FAM184B: variants seen among roughly 807,000 people sequenced by gnomAD.
FAM184B encodes family with sequence similarity 184 member B.
In FAM184B, 111 loss-of-function variants were observed where a neutral mutation model predicts 135.9. That is an observed-to-expected ratio of 0.82 (90% confidence interval 0.70 to 0.96). The LOEUF (loss-of-function observed/expected upper bound fraction) is 0.96, where lower values mean the gene tolerates loss of function less well. Among genes scored for constraint, FAM184B ranks in the 40% least tolerant of loss-of-function variants. The pLI is 0.00. For synonymous variants in FAM184B, 552 were observed against 524.8 expected (o/e 1.05, Z -0.71); for missense variants, 1,375 against 1,323.9 (o/e 1.04, Z -0.60).
intron 11 of FAM184B, among the ~76,000 whole-genome samples, chr4:17,649,208 C>T (rs1421890495): frequency 2.0e-5 from 3 of 152,140 alleles, no homozygotes; most frequent in Admixed American, 6.6e-5. Flanking sequence ...ATTATAAAAG[C>T]TTTCCTATAA....
chr4:17,723,671 AC>A (rs964698799), intron 1 of FAM184B, among the ~76,000 whole-genome samples: 3 of 152,182 alleles, frequency 2.0e-5, no homozygotes, highest in African/African-American at 7.2e-5. Context: ...AAAGGGACAT[AC>A]AATAGAGGAG....
intron 1 of FAM184B, among the ~76,000 whole-genome samples, chr4:17,748,593 T>C (rs1452363395): frequency 7.1e-6 from 1 of 140,698 alleles, no homozygotes; most frequent in Non-Finnish European, 1.5e-5. Flanking sequence ...CTCGGCCCAC[T>C]GTAGCCTTGA....
At chr4:17,668,116 G>T (rs974532380) in intron 7 of FAM184B, among the ~76,000 whole-genome samples, 2 of 152,206 alleles carry the variant, frequency 1.3e-5, no homozygotes, top group African/African-American at 2.4e-5. Flanking sequence ...AGCCTTGTTG[G>T]CTTTAGATAC....
chr4:17,639,856 C>G (rs567712020), intron 13 of FAM184B, among the ~76,000 whole-genome samples: 17 of 150,554 alleles, frequency 1.1e-4, no homozygotes, highest in Non-Finnish European at 2.4e-4. Context: ...GAGACGGAGT[C>G]TTGCTCTTGT....
intron 14 of FAM184B, among the ~76,000 whole-genome samples, chr4:17,637,306 C>T (rs1232122910): frequency 1.3e-5 from 2 of 152,212 alleles, no homozygotes; most frequent in South Asian, 2.1e-4. Flanking sequence ...GGATTACAGG[C>T]GTGGGCCACC....
At chr4:17,662,751 C>A (rs1036374565) in intron 8 of FAM184B, among the ~76,000 whole-genome samples, 1 of 152,122 alleles carries the variant, frequency 6.6e-6, no homozygotes, top group Non-Finnish European at 1.5e-5. Context: ...CATTTTAGAC[C>A]CTACCAGCAA....
intron 1 of FAM184B, among the ~76,000 whole-genome samples, chr4:17,765,413 TATATTA>T (rs1718646422): frequency 1.3e-5 from 2 of 152,140 alleles, no homozygotes; most frequent in African/African-American, 4.8e-5. Context: ...TAATATTGAT[TATATTA>T]ATATTGATTA....
chr4:17,705,008 GTTTC>G lies in FAM184B; in HGVS notation c.1365_1368del (p.Lys455AsnfsTer6), dbSNP rs1311320201. ...ATGGAAGTAGGTCTCACCCTCTGCAGTTTCTTTCTTTCAGCCTCCACGGACGAGC... is the reference window on the plus strand; with the variant it reads ...ATGGAAGTAGGTCTCACCCTCTGCAGTTTCTTTCAGCCTCCACGGACGAGC... On this transcript the variant is annotated frameshift_variant, in exon 5 of 18. Coordinates refer to ENST00000265018, the MANE Select transcript of FAM184B (RefSeq NM_015688.2). LOFTEE classifies it high-confidence loss of function. 7.7e-6 allele frequency: 12 copies of G among 1,551,662 alleles called. 1 individual carries two copies. The East Asian group carries it at 9.8e-5, about 13-fold the overall frequency.
chr4:17,665,155 T>C (rs1380239500), intron 7 of FAM184B, among the ~76,000 whole-genome samples: 3 of 152,110 alleles, frequency 2.0e-5, no homozygotes, highest in Non-Finnish European at 2.9e-5. Context: ...TAGTGGTCAG[T>C]AAGTGTGAGT....
chr4:17,653,193 G>A (rs1271576595), intron 10 of FAM184B, among the ~76,000 whole-genome samples: 1 of 152,060 alleles, frequency 6.6e-6, no homozygotes, highest in Non-Finnish European at 1.5e-5. Context: ...CAGCTGATTG[G>A]GCCAGAGTGG....
chr4:17,649,580 T>C (rs1327250586), intron 11 of FAM184B, among the ~76,000 whole-genome samples: 1 of 92,338 alleles, frequency 1.1e-5, no homozygotes, highest in African/African-American at 3.7e-5. Flanking sequence ...CAAGACTCCA[T>C]CTCAAAAAAA....
intron 5 of FAM184B, among the ~76,000 whole-genome samples, chr4:17,697,988 A>G (rs911014106): frequency 6.6e-6 from 1 of 152,142 alleles, no homozygotes; most frequent in African/African-American, 2.4e-5. Flanking sequence ...ACTGGAGAAC[A>G]CAGATTTGAA....
At chr4:17,747,583 G>A (rs954462836) in intron 1 of FAM184B, among the ~76,000 whole-genome samples, 6 of 152,010 alleles carry the variant, frequency 3.9e-5, no homozygotes, top group Admixed American at 3.3e-4. Flanking sequence ...CTTGAGGTCA[G>A]GAGTTTGAGG....
At chr4:17,650,510 T>C (rs6832962) in intron 11 of FAM184B, among the ~76,000 whole-genome samples, 108,450 of 151,976 alleles carry the variant, frequency 0.71, 39,582 homozygotes, top group East Asian at 0.93. Flanking sequence ...TGGGGAAGAA[T>C]GGGGCTGCTG....
chr4:17,734,611 C>CA (rs1446212246), intron 1 of FAM184B, among the ~76,000 whole-genome samples: 1 of 151,656 alleles, frequency 6.6e-6, no homozygotes, highest in Non-Finnish European at 1.5e-5. Context: ...CAGAGAAATG[C>CA]AAATCAAAAC....
At chr4:17,748,315 C>G (rs543253858) in intron 1 of FAM184B, among the ~76,000 whole-genome samples, 8 of 151,764 alleles carry the variant, frequency 5.3e-5, no homozygotes, top group African/African-American at 1.9e-4. Context: ...GGCAACCCCC[C>G]ACCTGCCTCG....
At chr4:17,641,600 T>TC in intron 13 of FAM184B, among the ~76,000 whole-genome samples, 1 of 128,782 alleles carries the variant, frequency 7.8e-6, no homozygotes, top group Non-Finnish European at 1.6e-5. Context: ...TGCCTCAGCC[T>TC]CCCGAATAAC....
intron 12 of FAM184B, among the ~76,000 whole-genome samples, chr4:17,646,236 C>T (rs1221453060): frequency 6.6e-6 from 1 of 151,894 alleles, no homozygotes; most frequent in African/African-American, 2.4e-5. Flanking sequence ...TGGGTATATA[C>T]CCAAAGGATT....
intron 1 of FAM184B, among the ~76,000 whole-genome samples, chr4:17,742,236 G>A (rs116133666): frequency 0.029 from 4,365 of 149,802 alleles, 213 homozygotes; most frequent in African/African-American, 0.1. Context: ...GGGAGGCCAA[G>A]ACAAGAGGAT....
Sources: gnomAD v4.1 joint callset for allele counts (sites outside exome capture counted in the v4.1 genomes callset) on GRCh38, gnomAD v4.1.1 for gene constraint, MANE v1.5 for transcripts, NCBI Gene and HGNC (gene_info 2026-07-23, HGNC 2026-07-21) for gene names.